The following KCNC4 variants were observed in gnomAD, a reference collection of about 807,000 sequenced individuals.
KCNC4 encodes voltage-gated potassium channel KCNC4.
KCNC4 carries 23 observed loss-of-function variants against 42.8 expected under a neutral mutation model. That is an observed-to-expected ratio of 0.54 (90% CI 0.39 to 0.76). The LOEUF (loss-of-function observed/expected upper bound fraction) is 0.76, where lower values mean the gene tolerates loss of function less well. Ranked by LOEUF, KCNC4 falls within the 30% of genes least tolerant of loss-of-function variation. KCNC4 has a pLI of 0.00. For missense variants in KCNC4, 751 were observed against 898.2 expected, an observed-to-expected ratio of 0.84 and a Z score of 2.10; for synonymous variants, 422 against 393.5, an observed-to-expected ratio of 1.07 and a Z score of -0.86.
chr1:110,232,815 T>C (rs1481685686), intron 3 of KCNC4, 96 bp from the exon 4 acceptor site: 1 of 1,549,238 alleles, frequency 6.5e-7, no homozygotes, highest in Non-Finnish European at 8.7e-7. Flanking sequence ...TTTCTCCCTT[T>C]CTTTTGCTGA....
downstream of KCNC4, among the ~76,000 whole-genome samples, chr1:110,251,068 C>T (rs1659242468): frequency 6.6e-6 from 1 of 152,154 alleles, no homozygotes; most frequent in Non-Finnish European, 1.5e-5. Context: ...TGCTTCTACC[C>T]AGAGGGTGGC....
Position 110,211,442 on chromosome 1 carries a change from CG to C in KCNC4, c.-55del. ...CCTCCCCCGTCTGACGCTGCCTCCTCGGGAAGGGTGTTTGGAGGGCAGCGGC... is the reference window on the plus strand; with the variant it reads ...CCTCCCCCGTCTGACGCTGCCTCCTCGGAAGGGTGTTTGGAGGGCAGCGGC... On this transcript the variant is annotated 5_prime_UTR_variant, in exon 1 of 4. Transcript: ENST00000438661. The surrounding 1 kb of genome is among the most constrained non-coding windows in gnomAD (Gnocchi z 6.5). 6.5e-7 allele frequency: 1 copy of C among 1,534,758 alleles called. No homozygotes were observed.
chr1:110,217,890 C>A (rs557576375), intron 1 of KCNC4, among the ~76,000 whole-genome samples: 1 of 152,266 alleles, frequency 6.6e-6, no homozygotes, highest in Middle Eastern at 3.4e-3. Flanking sequence ...CTCTTACCCC[C>A]GGGACTGCCC....
chr1:110,236,816 A>G (rs1294044693), downstream of KCNC4: 2 of 152,194 alleles, frequency 1.3e-5, no homozygotes, highest in African/African-American at 4.8e-5. Flanking sequence ...TTTAAAGGGT[A>G]CCTGTGGGGA....
chr1:110,221,904 C>A (rs1658115660), intron 1 of KCNC4: 1 of 152,210 alleles, frequency 6.6e-6, no homozygotes, highest in Non-Finnish European at 1.5e-5. Flanking sequence ...ATGAAGCCTC[C>A]ATAATTGGTG....
At chr1:110,227,500 AG>A (rs751797630) in intron 3 of KCNC4, among the ~76,000 whole-genome samples, 56 of 152,310 alleles carry the variant, frequency 3.7e-4, no homozygotes, top group Admixed American at 7.2e-4. Context: ...CCCCAGCAAA[AG>A]GCAGCAGATG....
chr1:110,229,855 A>T (rs567408886), intron 3 of KCNC4, among the ~76,000 whole-genome samples: 70 of 152,230 alleles, frequency 4.6e-4, no homozygotes, highest in African/African-American at 1.6e-3. Context: ...ACCTGATGGG[A>T]ATTAGACCTG....
At chr1:110,226,316 T>G in intron 3 of KCNC4, 138 bp downstream of exon 3, 1 of 697,994 alleles carries the variant, frequency 1.4e-6, no homozygotes, top group Non-Finnish European at 2.6e-6. Flanking sequence ...CCCCCACTTT[T>G]AGAATGGGTA....
In KCNC4 at chr1:110,211,659, C is replaced by T; in HGVS notation, c.160C>T (p.Leu54=). 6.2e-7 allele frequency: 1 copy of T among 1,613,414 alleles called. No homozygotes were observed. The highest frequency in any genetic ancestry group is 8.5e-7 in the Non-Finnish European group (1 of 1,179,824). ...GTRHETYRST[L]RTLPGTRLAW... ...GCGACATGAGACCTACCGCAGCACC[C>T]TGCGCACCCTACCGGGAACCCGCCT... Residue 54 remains leucine, a synonymous_variant, in exon 1 of 4, where the codon CTG becomes TTG. Transcript: ENST00000438661. This position sits in a 1 kb window ranked among gnomAD's most constrained non-coding sequence, Gnocchi z 6.5.
intron 1 of KCNC4, among the ~76,000 whole-genome samples, chr1:110,279,204 C>T (rs924148172): frequency 6.6e-6 from 1 of 152,194 alleles, no homozygotes; most frequent in Non-Finnish European, 1.5e-5. Flanking sequence ...AACCTTTCCC[C>T]ATTGAGCTGG....
In KCNC4 at chr1:110,223,831, C is replaced by T. The variant is rs183575959; in HGVS notation, c.1546C>T (p.Arg516Trp). The T allele has an allele frequency of 8.0e-5, 129 of 1,612,644 alleles. No homozygotes were observed. The highest frequency in any genetic ancestry group is 4.2e-4 in the Admixed American group (25 of 60,008). Reference protein sequence around the residue: ...MYCKSEETSPRDSTCSDTSPP... With the variant: ...MYCKSEETSPWDSTCSDTSPP... ...CTGCAAGTCTGAGGAGACTTCCCCC[C>T]GGGACAGCACCTGCAGTGATACCAG... Residue 516 changes from arginine to tryptophan, a missense_variant, in exon 2 of 4, where the codon CGG (arginine) becomes TGG (tryptophan). Arg to Trp is a moderately radical substitution (Grantham distance 101). Around this residue, in one of 4 missense-constraint regions of KCNC4, gnomAD observed 202 missense variants for 181.5 expected, o/e 1.11. Transcript: ENST00000438661. This position sits in a 1 kb window ranked among gnomAD's most constrained non-coding sequence, Gnocchi z 7.5.
At chr1:110,260,907 G>A (rs1375728693) in intron 1 of KCNC4, among the ~76,000 whole-genome samples, 1 of 152,238 alleles carries the variant, frequency 6.6e-6, no homozygotes, top group Non-Finnish European at 1.5e-5. Context: ...TCCAGCCTGG[G>A]TGACGCAGCG....
chr1:110,253,944 T>C (rs537127506), downstream of KCNC4, among the ~76,000 whole-genome samples: 2 of 152,216 alleles, frequency 1.3e-5, no homozygotes, highest in South Asian at 2.1e-4. Flanking sequence ...TTCACGGCCA[T>C]GCAGAGAGCC....
At chr1:110,281,642 G>T (rs1659826978) in intron 1 of KCNC4, among the ~76,000 whole-genome samples, 1 of 151,760 alleles carries the variant, frequency 6.6e-6, no homozygotes, top group Non-Finnish European at 1.5e-5. Flanking sequence ...TGCCTATTCT[G>T]TGGCTCATGG....
chr1:110,270,646 A>G (rs1269363705), intron 1 of KCNC4, among the ~76,000 whole-genome samples: 2 of 152,220 alleles, frequency 1.3e-5, no homozygotes, highest in Admixed American at 1.3e-4. Flanking sequence ...AACAGGTGCA[A>G]GGGAGCTGGT....
At chr1:110,220,594 C>T (rs1380360297) in intron 1 of KCNC4, 1 of 151,488 alleles carries the variant, frequency 6.6e-6, no homozygotes, top group South Asian at 2.1e-4. Context: ...AACTTTTCCT[C>T]AGAGAGCCAG....
rs1239008508 is a variant in KCNC4, at chr1:110,267,036, AGCAAGCAGCCC to A, written n.31-15494_31-15484del. Among the ~76,000 whole-genome samples the A allele has an allele frequency of 2.0e-5, 3 of 152,212 alleles. No homozygotes were observed. In the East Asian group the frequency reaches 5.8e-4, roughly 29 times the overall value. ...CCCAGAGGTCTTGTAGCTTCCATTT[AGCAAGCAGCCC>A]GCACGCCTCTGTGGGCAGAACCCTT... On this transcript the variant is annotated intron_variant and non_coding_transcript_variant, in intron 1 of 2. Coordinates refer to the KCNC4 transcript ENST00000412512.
intron 1 of KCNC4, 147 bp from the exon 2 acceptor site, chr1:110,222,817 G>T: frequency 1.6e-6 from 1 of 615,420 alleles, no homozygotes; most frequent in Middle Eastern, 4.3e-4. Context: ...TCTGAGGAGG[G>T]ACTTCCAGCC....
downstream of KCNC4, among the ~76,000 whole-genome samples, chr1:110,283,251 G>A (rs931255753): frequency 2.0e-5 from 3 of 152,034 alleles, no homozygotes; most frequent in Non-Finnish European, 2.9e-5. Context: ...ACCTGTCACC[G>A]GGCCCCACTT....
Sources: allele counts gnomAD v4.1 joint callset (sites outside exome capture counted in the v4.1 genomes callset), GRCh38; gene constraint gnomAD v4.1.1; regional missense constraint gnomAD v4.1.1; non-coding constraint Gnocchi (gnomAD v3.1); transcripts MANE v1.5; gene names NCBI Gene and HGNC (gene_info 2026-07-23, HGNC 2026-07-21).